The following NLRP14 variants were observed in gnomAD, a reference collection of about 807,000 sequenced individuals.
NLRP14 encodes the protein NLR family pyrin domain containing 14, also known as NACHT, LRR and PYD domains-containing protein 14.
NLRP14 carries 105 observed loss-of-function variants against 94.7 expected under a neutral mutation model. The observed-to-expected ratio is 1.11, with a 90% CI of 0.95 to 1.30. The LOEUF (loss-of-function observed/expected upper bound fraction) is 1.30. NLRP14 is among the 50% of genes most tolerant of loss of function. The pLI is 0.00. For synonymous variants in NLRP14, 508 were observed against 459.9 expected, an observed-to-expected ratio of 1.10 and a Z score of -1.34; for missense variants, 1,362 against 1,254.1, an observed-to-expected ratio of 1.09 and a Z score of -1.30.
chr11:7,069,939 T>G (rs1187896147), intron 10 of NLRP14, among the ~76,000 whole-genome samples: 2 of 152,198 alleles, frequency 1.3e-5, no homozygotes, highest in Non-Finnish European at 2.9e-5. Context: ...TTCCTTGCTT[T>G]TTAAACACTC....
rs1023418980 is a variant in NLRP14, at chr11:7,038,610, T to C, written c.24T>C (p.Ser8=). 4 of 1,613,988 alleles carry C rather than the reference T, an allele frequency of 2.5e-6. No homozygotes were observed. Among genetic ancestry groups the C allele is most frequent in the African/African-American group, 1.3e-5 (1 of 74,944 alleles). The change falls in exon 2 of 12, where the codon TCT becomes TCC. Residue 8 remains serine (S), a synonymous_variant. Transcript: ENST00000299481. MADSSSS[S]FFPDFGLLLY... is the part of the protein sequence containing the mutation. ...AGATGGCAGATTCATCATCATCTTC[T>C]TTCTTTCCTGATTTTGGGCTGCTAT...
chr11:7,029,549 A>G (rs905527234), intron 1 of NLRP14, among the ~76,000 whole-genome samples: 2 of 152,246 alleles, frequency 1.3e-5, no homozygotes, highest in African/African-American at 4.8e-5. Context: ...ACCTGTGGGC[A>G]CACGTCCTTC....
the NLRP14 span, among the ~76,000 whole-genome samples, chr11:7,082,501 A>G: frequency 6.6e-6 from 1 of 152,320 alleles, no homozygotes; most frequent in East Asian, 1.9e-4. Flanking sequence ...CCTAGTTCCA[A>G]TAGCAGGAGC....
chr11:7,062,245 G>A (rs992324536), intron 9 of NLRP14, 88 bp from the exon 10 acceptor site: 1 of 1,083,048 alleles, frequency 9.2e-7, no homozygotes, highest in African/African-American at 1.5e-5. Context: ...TGAGAAAAGA[G>A]GTTCAAATAC....
At chr11:7,024,495 G>T (rs1006285265) in intron 1 of NLRP14, among the ~76,000 whole-genome samples, 1 of 152,194 alleles carries the variant, frequency 6.6e-6, no homozygotes, top group Non-Finnish European at 1.5e-5. Context: ...ACTTGAATGA[G>T]CTGTGCCTTC....
chr11:7,063,513 G>C (rs1852658581), intron 10 of NLRP14, among the ~76,000 whole-genome samples: 1 of 151,976 alleles, frequency 6.6e-6, no homozygotes, highest in Non-Finnish European at 1.5e-5. Context: ...CTGGAAAATG[G>C]CCCAGGTAAA....
chr11:7,070,688 C>T (rs1414972503), intron 11 of NLRP14, among the ~76,000 whole-genome samples: 2 of 152,112 alleles, frequency 1.3e-5, no homozygotes, highest in East Asian at 3.9e-4. Flanking sequence ...TCTGACCCTA[C>T]CACTTACTAA....
chr11:7,071,271 A>G lies in NLRP14; in HGVS notation c.3245A>G (p.His1082Arg). ...ATCATTAAGCCAGATTGTAACTATC[A>G]TAATGAAGAAGATGTGTCTTGGTGG... ...HLIIKPDCNY[H>R]NEEDVSWWWC... Residue 1082 changes from histidine (H) to arginine (R), a missense_variant, in exon 12 of 12, where the codon CAT (histidine) becomes CGT (arginine). By Grantham distance (29) the His-to-Arg change is conservative. Transcript: ENST00000299481. The G allele has an allele frequency of 5.0e-6, 8 of 1,613,468 alleles. No homozygotes were observed. Among genetic ancestry groups the G allele is most frequent in the Non-Finnish European group, 6.8e-6 (8 of 1,179,506 alleles).
chr11:7,058,791 C>T (rs75175246), intron 8 of NLRP14, among the ~76,000 whole-genome samples: 4,712 of 152,022 alleles, frequency 0.031, 141 homozygotes, highest in East Asian at 0.13. Flanking sequence ...CTAAAGCCTA[C>T]CACCTATCCT....
At chr11:7,066,770 C>A (rs570253269) in intron 10 of NLRP14, among the ~76,000 whole-genome samples, 1 of 152,180 alleles carries the variant, frequency 6.6e-6, no homozygotes, top group South Asian at 2.1e-4. Flanking sequence ...TTTGTCCATG[C>A]GTATGTCCTG....
chr11:7,075,742 C>A (rs1852867617), downstream of NLRP14, among the ~76,000 whole-genome samples: 1 of 152,160 alleles, frequency 6.6e-6, no homozygotes, highest in Non-Finnish European at 1.5e-5. Flanking sequence ...CTGGGGCAAC[C>A]TGCAGAATTA....
intron 11 of NLRP14, 93 bp from the exon 12 acceptor site, chr11:7,071,080 T>C: frequency 6.9e-7 from 1 of 1,446,802 alleles, no homozygotes; most frequent in East Asian, 2.3e-5. Context: ...AACAGAACAG[T>C]TTTTTTTCTC....
At chr11:7,048,319 A>C (rs1048142038) in intron 5 of NLRP14, among the ~76,000 whole-genome samples, 1 of 152,148 alleles carries the variant, frequency 6.6e-6, no homozygotes, top group African/African-American at 2.4e-5. Context: ...CTAGATAATC[A>C]CTTTAAAATG....
intron 6 of NLRP14, among the ~76,000 whole-genome samples, chr11:7,054,743 T>G (rs1565022187): frequency 6.6e-6 from 1 of 152,174 alleles, no homozygotes; most frequent in Admixed American, 6.6e-5. Context: ...TTTTCTTCAA[T>G]TTTATGGGTT....
chr11:7,090,653 T>G, the NLRP14 span: 1 of 342,946 alleles, frequency 2.9e-6, no homozygotes, highest in African/African-American at 2.2e-5. Context: ...AAACATCTGC[T>G]CACCTAAAAT....
At chr11:7,085,176 G>A in the NLRP14 span, among the ~76,000 whole-genome samples, 1 of 152,110 alleles carries the variant, frequency 6.6e-6, no homozygotes, top group East Asian at 1.9e-4. Flanking sequence ...ATTTACTGTG[G>A]TAAAATACAT....
intron 10 of NLRP14, among the ~76,000 whole-genome samples, chr11:7,068,712 A>G (rs1852745255): frequency 6.6e-6 from 1 of 152,176 alleles, no homozygotes; most frequent in Non-Finnish European, 1.5e-5. Flanking sequence ...GCTGGAGTGC[A>G]GTGATGTGAT....
intron 10 of NLRP14, among the ~76,000 whole-genome samples, chr11:7,063,046 T>G (rs1188955058): frequency 6.6e-6 from 1 of 152,128 alleles, no homozygotes; most frequent in African/African-American, 2.4e-5. Flanking sequence ...AGCTCAGACA[T>G]AATGACATGT....
Position 7,057,779 on chromosome 11 carries a change from G to C in NLRP14, c.2394G>C (p.Leu798=). ...LIFLNLSTNN[L]LDDGVQLLCE... Reference sequence around the variant, plus strand: ...TTCTGAATCTGTCAACCAATAATCTGTTGGATGATGGAGTGCAGCTTTTGT... The same window carrying C: ...TTCTGAATCTGTCAACCAATAATCTCTTGGATGATGGAGTGCAGCTTTTGT... Residue 798 remains leucine (L), a synonymous_variant, in exon 7 of 12, where the codon CTG becomes CTC. Transcript: ENST00000299481. 6.2e-7 allele frequency: 1 copy of C among 1,611,060 alleles called. No homozygotes were observed. The highest frequency in any genetic ancestry group is 8.5e-7 in the Non-Finnish European group (1 of 1,177,376).
Sources: gnomAD v4.1 joint callset for allele counts (sites outside exome capture counted in the v4.1 genomes callset) on GRCh38, gnomAD v4.1.1 for gene constraint, MANE v1.5 for transcripts, NCBI Gene and HGNC (gene_info 2026-07-23, HGNC 2026-07-21) for gene names.